CHL1: variants seen among roughly 807,000 people sequenced by gnomAD.
CHL1 encodes neural cell adhesion molecule L1-like protein.
A neutral mutation model predicts 141.9 loss-of-function variants in CHL1; 96 were observed. The ratio of observed to expected loss-of-function variants is 0.68; its 90% CI spans 0.57 to 0.80. The LOEUF (loss-of-function observed/expected upper bound fraction) is 0.80. Ranked by LOEUF, CHL1 falls within the 30% of genes least tolerant of loss-of-function variation. CHL1 has a pLI of 0.00. For missense variants in CHL1, 1,820 were observed against 1,457.2 expected, an observed-to-expected ratio of 1.25 and a Z score of -4.05; for synonymous variants, 613 against 502.2, an observed-to-expected ratio of 1.22 and a Z score of -2.95.
chr3:394,559 A>T, intron 23 of CHL1, 134 bp from the exon 24 acceptor site: 1 of 663,268 alleles, frequency 1.5e-6, no homozygotes, highest in Non-Finnish European at 2.6e-6. Flanking sequence ...ACCTCATAGG[A>T]TTAAATGAGT....
chr3:342,535 C>A (rs1006431525), intron 7 of CHL1, among the ~76,000 whole-genome samples: 1 of 152,104 alleles, frequency 6.6e-6, no homozygotes, highest in African/African-American at 2.4e-5. Context: ...TGGAGGCCAG[C>A]CTGGGTTCCC....
chr3:248,921 A>G (rs1693429259), intron 2 of CHL1, among the ~76,000 whole-genome samples: 1 of 152,194 alleles, frequency 6.6e-6, no homozygotes, highest in Non-Finnish European at 1.5e-5. Flanking sequence ...CACATATAAA[A>G]TGTCCATGAA....
intron 15 of CHL1, among the ~76,000 whole-genome samples, chr3:366,974 A>G (rs969539838): frequency 1.3e-5 from 2 of 152,222 alleles, no homozygotes; most frequent in East Asian, 1.9e-4. Context: ...AACCTAAATC[A>G]TATCTGGGAT....
intron 5 of CHL1, among the ~76,000 whole-genome samples, chr3:337,548 G>A (rs1701996391): frequency 6.8e-6 from 1 of 147,242 alleles, no homozygotes; most frequent in African/African-American, 2.5e-5. Context: ...CCCGGTGTGT[G>A]ATGTCCCCCT....
At chr3:278,221 CTGTG>C (rs1305025682) in intron 2 of CHL1, among the ~76,000 whole-genome samples, 2 of 152,226 alleles carry the variant, frequency 1.3e-5, no homozygotes, top group African/African-American at 4.8e-5. Context: ...TGCTTGCTGT[CTGTG>C]TATTTGACCA....
At chr3:269,374 TA>T (rs1488337899) in intron 2 of CHL1, among the ~76,000 whole-genome samples, 1 of 152,150 alleles carries the variant, frequency 6.6e-6, no homozygotes, top group African/African-American at 2.4e-5. Context: ...ACTGAATCAG[TA>T]ATGAACTTCC....
At chr3:358,068 C>T (rs559733206) in intron 11 of CHL1, among the ~76,000 whole-genome samples, 1 of 152,280 alleles carries the variant, frequency 6.6e-6, no homozygotes, top group South Asian at 2.1e-4. Flanking sequence ...TCTAACATTG[C>T]TGTAACAAAT....
chr3:206,892 T>C (rs1310046529), intron 1 of CHL1, among the ~76,000 whole-genome samples: 1 of 152,248 alleles, frequency 6.6e-6, no homozygotes, highest in African/African-American at 2.4e-5. Context: ...ATGTAACCAA[T>C]TGCATTTCGC....
chr3:260,854 G>C (rs1694650751), intron 2 of CHL1, among the ~76,000 whole-genome samples: 1 of 152,220 alleles, frequency 6.6e-6, no homozygotes, highest in Non-Finnish European at 1.5e-5. Flanking sequence ...GTTTTTAAAT[G>C]AGATTATTTT....
chr3:330,025 A>G (rs556348327), intron 5 of CHL1, among the ~76,000 whole-genome samples: 182 of 152,180 alleles, frequency 1.2e-3, no homozygotes, highest in African/African-American at 4.1e-3. Context: ...AAAGAATACA[A>G]TCACAAGCTC....
At chr3:400,859 C>T (rs992630792) in intron 26 of CHL1, among the ~76,000 whole-genome samples, 3 of 142,548 alleles carry the variant, frequency 2.1e-5, no homozygotes, top group African/African-American at 5.1e-5. Context: ...ATTGTTGCAA[C>T]AATTTTGAGT....
intron 11 of CHL1, among the ~76,000 whole-genome samples, chr3:355,071 C>G (rs9830787): frequency 6.6e-6 from 1 of 151,944 alleles, no homozygotes; most frequent in Non-Finnish European, 1.5e-5. Flanking sequence ...AGGAAAAAAG[C>G]CAATTATTGT....
chr3:378,644 C>T (rs1057482229), intron 16 of CHL1, among the ~76,000 whole-genome samples: 1 of 152,174 alleles, frequency 6.6e-6, no homozygotes, highest in African/African-American at 2.4e-5. Context: ...AACCACTTTC[C>T]TTCCAGCTAT....
At chr3:320,943 G>A (rs2125042419) in intron 3 of CHL1, among the ~76,000 whole-genome samples, 1 of 152,084 alleles carries the variant, frequency 6.6e-6, no homozygotes, top group East Asian at 1.9e-4. Context: ...TTTTAGCATT[G>A]CAGGTGATAT....
rs1050006535 is a variant in CHL1, at chr3:399,123, G to T, written c.3360G>T (p.Lys1120Asn). The T allele has an allele frequency of 3.1e-6, 5 of 1,610,688 alleles. No homozygotes were observed. The highest frequency in any genetic ancestry group is 4.2e-6 in the Non-Finnish European group (5 of 1,176,922). The change falls in exon 26 of 28, where the codon AAG becomes AAT. Residue 1120 changes from lysine to asparagine, a missense_variant. Lys to Asn is a moderately conservative substitution (Grantham distance 94, BLOSUM62 0). Coordinates refer to ENST00000256509, the MANE Select transcript of CHL1 (RefSeq NM_006614.4). ...TATTATTAACTGTTTGCTTTGTGAA[G>T]AGGAATAGAGGTGGAAAGTACTCAG... The part of the protein sequence containing the change: ...TLLLLTVCFV[K>N]RNRGGKYSVK...
At chr3:347,611 G>A (rs913413598) in intron 9 of CHL1, among the ~76,000 whole-genome samples, 2 of 152,186 alleles carry the variant, frequency 1.3e-5, no homozygotes, top group African/African-American at 4.8e-5. Flanking sequence ...TGAGTTACTT[G>A]CTCTAATAAA....
chr3:262,786 G>T (rs1329156518), intron 2 of CHL1, among the ~76,000 whole-genome samples: 1 of 152,176 alleles, frequency 6.6e-6, no homozygotes, highest in Non-Finnish European at 1.5e-5. Context: ...ACAGAAATCA[G>T]CATATTAATG....
chr3:377,119 C>G (rs1169810067), intron 15 of CHL1, among the ~76,000 whole-genome samples: 1 of 152,104 alleles, frequency 6.6e-6, no homozygotes. Flanking sequence ...TAATAGTTAT[C>G]TCAACAATGG....
At chr3:371,656 G>C (rs761179636) in intron 15 of CHL1, among the ~76,000 whole-genome samples, 12 of 152,090 alleles carry the variant, frequency 7.9e-5, no homozygotes, top group Admixed American at 6.6e-5. Context: ...TCATGATGCT[G>C]TTTGGTCATT....
Sources: allele counts gnomAD v4.1 joint callset (sites outside exome capture counted in the v4.1 genomes callset), GRCh38; gene constraint gnomAD v4.1.1; transcripts MANE v1.5; gene names NCBI Gene and HGNC (gene_info 2026-07-23, HGNC 2026-07-21).